Variants in THSD7B observed in about 807,000 individuals in gnomAD.
THSD7B encodes thrombospondin type 1 domain containing 7B, also known as thrombospondin type-1 domain-containing protein 7B.
In THSD7B, 138 loss-of-function variants were observed where a neutral mutation model predicts 213.6. The ratio of observed to expected loss-of-function variants is 0.65; its 90% CI spans 0.56 to 0.74. THSD7B has a LOEUF of 0.74. THSD7B is among the 30% of genes least tolerant of loss of function. The pLI is 0.00. For synonymous variants in THSD7B, 742 were observed against 687.0 expected, an observed-to-expected ratio of 1.08 and a Z score of -1.25; for missense variants, 1,931 against 1,991.5, an observed-to-expected ratio of 0.97 and a Z score of 0.58.
chr2:137,176,481 C>T (rs909601895), intron 7 of THSD7B, among the ~76,000 whole-genome samples: 7 of 152,058 alleles, frequency 4.6e-5, no homozygotes, highest in African/African-American at 1.7e-4. Flanking sequence ...TTGGAAGAAT[C>T]GAAGAATGGG....
At chr2:137,435,913 C>T (rs1687280569) in intron 14 of THSD7B, among the ~76,000 whole-genome samples, 1 of 152,126 alleles carries the variant, frequency 6.6e-6, no homozygotes, top group South Asian at 2.1e-4. Context: ...TCCTTCCATG[C>T]TTCTACCACT....
chr2:137,268,738 C>T (rs1682662455), intron 10 of THSD7B, among the ~76,000 whole-genome samples: 1 of 152,234 alleles, frequency 6.6e-6, no homozygotes, highest in South Asian at 2.1e-4. Context: ...ACTTAGAATG[C>T]CTTAACCATC....
intron 2 of THSD7B, among the ~76,000 whole-genome samples, chr2:137,022,552 T>A (rs1686465834): frequency 6.6e-6 from 1 of 152,162 alleles, no homozygotes; most frequent in South Asian, 2.1e-4. Context: ...CTTCGTTTTT[T>A]TTTTATATGA....
chr2:137,094,198 A>G (rs1687998764), intron 3 of THSD7B, among the ~76,000 whole-genome samples: 1 of 152,224 alleles, frequency 6.6e-6, no homozygotes, highest in Admixed American at 6.5e-5. Flanking sequence ...TGAGAAAGTT[A>G]TCTGTGAAGT....
intron 2 of THSD7B, among the ~76,000 whole-genome samples, chr2:137,023,561 AG>A (rs1558890769): frequency 6.6e-6 from 1 of 152,236 alleles, no homozygotes; most frequent in Non-Finnish European, 1.5e-5. Flanking sequence ...GCTTTGAGCT[AG>A]CCTGGTGGCC....
chr2:137,184,469 T>C (rs1026740413), intron 7 of THSD7B, among the ~76,000 whole-genome samples: 1 of 152,106 alleles, frequency 6.6e-6, no homozygotes, highest in Admixed American at 6.6e-5. Context: ...ACAAGACAAG[T>C]GTATTTACAA....
At chr2:137,095,681 A>G (rs376585864) in intron 4 of THSD7B, among the ~76,000 whole-genome samples, 2 of 152,154 alleles carry the variant, frequency 1.3e-5, no homozygotes, top group African/African-American at 4.8e-5. Flanking sequence ...AGGATTTAAC[A>G]TATATTAATA....
intron 1 of THSD7B, among the ~76,000 whole-genome samples, chr2:136,842,243 C>T (rs527628588): frequency 3.7e-4 from 56 of 152,242 alleles, no homozygotes; most frequent in Non-Finnish European, 3.8e-4. Flanking sequence ...AAAAGAACTG[C>T]GCTGGGTTAT....
chr2:137,495,246 G>A (rs941065324), intron 15 of THSD7B, among the ~76,000 whole-genome samples: 1 of 152,032 alleles, frequency 6.6e-6, no homozygotes, highest in Non-Finnish European at 1.5e-5. Flanking sequence ...AGGAAAAACT[G>A]GCAGGTTTAA....
chr2:136,924,173 A>G (rs979378797), intron 2 of THSD7B, among the ~76,000 whole-genome samples: 2 of 152,004 alleles, frequency 1.3e-5, no homozygotes, highest in Non-Finnish European at 2.9e-5. Flanking sequence ...CCTCTGCCTC[A>G]TGGGTTCAAG....
chr2:137,534,018 GCACACACACA>G (rs1158544636), intron 15 of THSD7B, among the ~76,000 whole-genome samples: 6 of 113,488 alleles, frequency 5.3e-5, no homozygotes, highest in African/African-American at 1.9e-4. Context: ...GTGTGTGCGC[GCACACACACA>G]CACACACACA....
At chr2:137,256,490 G>A (rs530323906) in intron 10 of THSD7B, among the ~76,000 whole-genome samples, 1 of 152,262 alleles carries the variant, frequency 6.6e-6, no homozygotes, top group South Asian at 2.1e-4. Flanking sequence ...CAGAAGCTTG[G>A]CTGTGTGAAA....
At chr2:136,961,712 G>A (rs990132320) in intron 2 of THSD7B, among the ~76,000 whole-genome samples, 1 of 152,158 alleles carries the variant, frequency 6.6e-6, no homozygotes, top group Non-Finnish European at 1.5e-5. Context: ...ATGGAAAAGG[G>A]GAGTCATGTG....
At chr2:137,154,618 C>T (rs535684114) in intron 5 of THSD7B, among the ~76,000 whole-genome samples, 2 of 151,948 alleles carry the variant, frequency 1.3e-5, no homozygotes, top group South Asian at 4.2e-4. Context: ...AAAATGTATA[C>T]TCATTGATTC....
chr2:137,545,269 G>T (rs1378853642), intron 15 of THSD7B, among the ~76,000 whole-genome samples: 1 of 151,784 alleles, frequency 6.6e-6, no homozygotes, highest in African/African-American at 2.4e-5. Flanking sequence ...ATATACCATT[G>T]CTGTACATCT....
At chr2:137,139,545 TA>T (rs1428608415) in intron 5 of THSD7B, among the ~76,000 whole-genome samples, 1 of 152,158 alleles carries the variant, frequency 6.6e-6, no homozygotes, top group Non-Finnish European at 1.5e-5. Flanking sequence ...AACATGGTAC[TA>T]AGAGGATTTT....
intron 10 of THSD7B, among the ~76,000 whole-genome samples, chr2:137,250,584 T>C (rs72973663): frequency 0.024 from 3,680 of 152,296 alleles, 169 homozygotes; most frequent in African/African-American, 0.084. Context: ...TCTTAACCAC[T>C]TAACAACAAA....
At chr2:137,127,362 C>T (rs995886610) in intron 5 of THSD7B, among the ~76,000 whole-genome samples, 2 of 152,166 alleles carry the variant, frequency 1.3e-5, no homozygotes, top group African/African-American at 4.8e-5. Flanking sequence ...TACAGTGGCA[C>T]ACCATCAATA....
At chr2:137,182,549 T>C (rs904214668) in intron 7 of THSD7B, among the ~76,000 whole-genome samples, 1 of 152,168 alleles carries the variant, frequency 6.6e-6, no homozygotes, top group African/African-American at 2.4e-5. Flanking sequence ...AGGTATGAGA[T>C]TTAGGGTCAT....
Sources: allele counts gnomAD v4.1 joint callset (sites outside exome capture counted in the v4.1 genomes callset), GRCh38; gene constraint gnomAD v4.1.1; transcripts MANE v1.5; gene names NCBI Gene and HGNC (gene_info 2026-07-23, HGNC 2026-07-21).